Variants in CREB3L1 observed in about 807,000 individuals in gnomAD.
CREB3L1 encodes the protein cyclic AMP-responsive element-binding protein 3-like protein 1.
Under a neutral mutation model 54.5 loss-of-function variants are expected in CREB3L1, and 33 were observed. The ratio of observed to expected loss-of-function variants is 0.61; its 90% confidence interval spans 0.46 to 0.81. CREB3L1 has a LOEUF of 0.81. CREB3L1 is among the 30% of genes least tolerant of loss of function. The pLI is 0.00. For synonymous variants in CREB3L1, 284 were observed against 286.4 expected, an observed-to-expected ratio of 0.99 and a Z score of 0.08; for missense variants, 656 against 673.3, an observed-to-expected ratio of 0.97 and a Z score of 0.29.
intron 2 of CREB3L1, among the ~76,000 whole-genome samples, chr11:46,306,359 C>G (rs1328209997): frequency 1.3e-5 from 2 of 152,262 alleles, no homozygotes; most frequent in African/African-American, 4.8e-5. Flanking sequence ...CAAAAATTAG[C>G]TGGGCATGGT....
At chr11:46,312,792 G>A (rs1365479513) in intron 7 of CREB3L1, 59 bp from the exon 8 acceptor site, 59 of 1,550,168 alleles carry the variant, frequency 3.8e-5, no homozygotes, top group East Asian at 1.4e-4. Context: ...GGGCTGGGCC[G>A]AGGAGCTGTT....
At chr11:46,294,406 G>A (rs1346026122) in intron 1 of CREB3L1, among the ~76,000 whole-genome samples, 1 of 152,090 alleles carries the variant, frequency 6.6e-6, no homozygotes, top group African/African-American at 2.4e-5. Context: ...AAAGGCCCAC[G>A]TTCTGAAGAC....
Position 46,320,843 on chromosome 11 carries a change from G to C in CREB3L1, c.*97G>C. 1.5e-6 allele frequency: 2 copies of C among 1,306,414 alleles called. No individual in the cohort carries two copies. The highest frequency in any genetic ancestry group is 2.2e-6 in the Non-Finnish European group (2 of 921,710). 80.9% of individuals were successfully genotyped at this position (1,306,414 alleles called of 1,614,324 possible). A position where few individuals can be genotyped will look rare whatever the true frequency, so the allele number is the denominator to read the frequency against. On this transcript the variant is annotated 3_prime_UTR_variant, in exon 12 of 12. Transcript: ENST00000621158. ...ATCCGCCTCGTGCCCCTGCCTCCTG[G>C]AGCTTCCCATTCCAGGAGAAAAGGC...
chr11:46,309,893 A>G, intron 3 of CREB3L1, 96 bp from the exon 4 acceptor site: 1 of 958,852 alleles, frequency 1.0e-6, no homozygotes, highest in South Asian at 1.4e-5. Flanking sequence ...CCAACTGTGC[A>G]GGGCAGGCAA....
chr11:46,311,553 G>A (rs904428855), intron 5 of CREB3L1, among the ~76,000 whole-genome samples: 6 of 151,258 alleles, frequency 4.0e-5, no homozygotes. Context: ...CGCCTGGAGT[G>A]CAGTGGCACG....
chr11:46,317,750 T>C (rs994016016), intron 10 of CREB3L1, among the ~76,000 whole-genome samples: 1 of 151,728 alleles, frequency 6.6e-6, no homozygotes, highest in Non-Finnish European at 1.5e-5. Flanking sequence ...TTGCAGGAGG[T>C]GGGTTTAGGG....
intron 2 of CREB3L1, among the ~76,000 whole-genome samples, chr11:46,302,143 G>C (rs867555107): frequency 6.7e-6 from 1 of 149,276 alleles, no homozygotes; most frequent in African/African-American, 2.5e-5. Flanking sequence ...ATTCCAGCCT[G>C]GGCAACAGAG....
At chr11:46,305,527 G>C (rs1250132816) in intron 2 of CREB3L1, among the ~76,000 whole-genome samples, 1 of 150,590 alleles carries the variant, frequency 6.6e-6, no homozygotes, top group Non-Finnish European at 1.5e-5. Flanking sequence ...CCTCCATCTT[G>C]CCTGCAGCCA....
intron 2 of CREB3L1, among the ~76,000 whole-genome samples, chr11:46,301,879 A>G (rs1485331561): frequency 1.3e-5 from 2 of 152,128 alleles, no homozygotes; most frequent in Admixed American, 1.3e-4. Flanking sequence ...TGAACACAGG[A>G]GGCAGAGGTT....
At chr11:46,313,444 T>C (rs1391369519) in intron 8 of CREB3L1, among the ~76,000 whole-genome samples, 1 of 152,090 alleles carries the variant, frequency 6.6e-6, no homozygotes, top group Non-Finnish European at 1.5e-5. Flanking sequence ...CTCAGCACTT[T>C]GGGAGGATGA....
Position 46,314,237 on chromosome 11 carries a change from C to CAA in CREB3L1, c.1031+1332_1031+1333dup, listed in dbSNP as rs1262951906. Among the ~76,000 whole-genome samples, 8 of 83,458 alleles carry CAA rather than the reference C, an allele frequency of 9.6e-5. 1 individual carries two copies. Among genetic ancestry groups the CAA allele is most frequent in the Admixed American group, 2.8e-4 (2 of 7,122 alleles). The allele number at this position is 83,458 out of a possible 152,430, so 54.8% of individuals were successfully genotyped here. A position where few individuals can be genotyped will look rare whatever the true frequency, so the allele number is the denominator to read the frequency against. On this transcript the variant is annotated intron_variant, in intron 8 of 11. Coordinates refer to ENST00000621158, the MANE Select transcript of CREB3L1 (RefSeq NM_052854.4). Reference sequence around the variant, plus strand: ...TGGGTGGCAGAGTGAGACTCTGTCTCAAAAAAAAAAAAAAAGAAAGAAAAG... The same window carrying CAA: ...TGGGTGGCAGAGTGAGACTCTGTCTCAAAAAAAAAAAAAAAAAGAAAGAAAAG...
chr11:46,288,352 G>A (rs375124078), intron 1 of CREB3L1, among the ~76,000 whole-genome samples: 178 of 152,328 alleles, frequency 1.2e-3, no homozygotes, highest in Middle Eastern at 0.01. Context: ...AAAGTGCTGG[G>A]ATTATAGGCG....
At chr11:46,286,399 G>C (rs926548321) in intron 1 of CREB3L1, among the ~76,000 whole-genome samples, 1 of 152,044 alleles carries the variant, frequency 6.6e-6, no homozygotes, top group African/African-American at 2.4e-5. Context: ...TATCATCATG[G>C]CCTTTTCTAT....
At chr11:46,312,758 G>C in intron 7 of CREB3L1, 88 bp downstream of exon 7, 2 of 1,551,706 alleles carry the variant, frequency 1.3e-6, no homozygotes, top group South Asian at 2.4e-5. Context: ...CAGAGGCAGG[G>C]GGCACAGGGA....
chr11:46,308,574 A>G (rs997384390), intron 3 of CREB3L1, among the ~76,000 whole-genome samples: 26 of 152,092 alleles, frequency 1.7e-4, no homozygotes, highest in Non-Finnish European at 3.4e-4. Flanking sequence ...CTGAGTCCCA[A>G]CTCGGTGCCT....
chr11:46,311,099 TC>T lies in CREB3L1; in HGVS notation c.667del (p.Arg223AlafsTer40). On this transcript the variant is annotated frameshift_variant, in exon 5 of 12. Transcript: ENST00000621158. LOFTEE classifies it high-confidence loss of function. ...HGSDSDGSQS[P>X]RSLPPSSPVR... The stretch of plus-strand genomic sequence containing the variant: ...GCAGTGACAGCGACGGCTCCCAGAG[TC>T]CCCGCTCTCTGCCCCCCTCCAGCCC... 1 of 1,607,854 alleles carries T rather than the reference TC, an allele frequency of 6.2e-7. No homozygotes were observed. The highest frequency in any genetic ancestry group is 1.7e-5 in the Admixed American group (1 of 59,684).
intron 1 of CREB3L1, among the ~76,000 whole-genome samples, chr11:46,292,349 C>T (rs1267560966): frequency 2.6e-5 from 4 of 152,208 alleles, no homozygotes; most frequent in African/African-American, 9.7e-5. Context: ...ACTCCATAAG[C>T]TCTCTGACAC....
chr11:46,313,464 A>G (rs1047472167), intron 8 of CREB3L1, among the ~76,000 whole-genome samples: 3 of 152,130 alleles, frequency 2.0e-5, no homozygotes, highest in African/African-American at 7.2e-5. Context: ...AGGGGGGTGG[A>G]TCATTTGAGG....
chr11:46,302,682 G>A (rs72910053), intron 2 of CREB3L1, among the ~76,000 whole-genome samples: 11,454 of 152,182 alleles, frequency 0.075, 513 homozygotes, highest in South Asian at 0.14. Context: ...CCATGTGACC[G>A]ATAAGAAAAC....
Sources: allele counts gnomAD v4.1 joint callset (sites outside exome capture counted in the v4.1 genomes callset), GRCh38; gene constraint gnomAD v4.1.1; transcripts MANE v1.5; gene names NCBI Gene and HGNC (gene_info 2026-07-23, HGNC 2026-07-21).